The following CNTNAP5 variants were observed in gnomAD, a reference collection of about 807,000 sequenced individuals.
CNTNAP5 encodes the protein contactin-associated protein-like 5.
CNTNAP5 carries 72 observed loss-of-function variants against 150.2 expected under a neutral mutation model. The observed-to-expected ratio is 0.48, with a 90% CI of 0.40 to 0.58. The LOEUF is 0.58. Ranked by LOEUF, CNTNAP5 falls within the 20% of genes least tolerant of loss-of-function variation. The pLI, the probability that CNTNAP5 is intolerant of heterozygous loss-of-function variation, is 0.00. For synonymous variants in CNTNAP5, 672 were observed against 619.8 expected (o/e 1.08, Z -1.25); for missense variants, 1,636 against 1,626.2 (o/e 1.01, Z -0.10).
At chr2:124,751,836 A>G (rs1035307840) in intron 14 of CNTNAP5, among the ~76,000 whole-genome samples, 12 of 152,242 alleles carry the variant, frequency 7.9e-5, no homozygotes. Flanking sequence ...AATGTTACCT[A>G]TCATATCCTG....
chr2:124,426,563 G>T (rs1356167589), intron 4 of CNTNAP5, among the ~76,000 whole-genome samples: 1 of 152,208 alleles, frequency 6.6e-6, no homozygotes, highest in East Asian at 1.9e-4. Context: ...GGGACTGATT[G>T]TCTCAGGGTG....
At chr2:124,599,869 A>G (rs2104971798) in intron 11 of CNTNAP5, among the ~76,000 whole-genome samples, 1 of 152,178 alleles carries the variant, frequency 6.6e-6, no homozygotes, top group South Asian at 2.1e-4. Flanking sequence ...CCTATTTTTT[A>G]TAGGAACAGG....
At chr2:124,122,682 A>T (rs1416670461) in intron 1 of CNTNAP5, among the ~76,000 whole-genome samples, 1 of 152,060 alleles carries the variant, frequency 6.6e-6, no homozygotes, top group Non-Finnish European at 1.5e-5. Flanking sequence ...TGTGTGCCAG[A>T]TCCCTTAGAT....
chr2:124,810,914 C>A (rs1237574057), intron 19 of CNTNAP5, among the ~76,000 whole-genome samples: 4 of 151,986 alleles, frequency 2.6e-5, no homozygotes, highest in African/African-American at 7.3e-5. Context: ...ACCAGGATAG[C>A]CCCCCGATGA....
intron 3 of CNTNAP5, among the ~76,000 whole-genome samples, chr2:124,263,140 T>A (rs1292295947): frequency 6.6e-6 from 1 of 152,168 alleles, no homozygotes; most frequent in Non-Finnish European, 1.5e-5. Context: ...AACAGCATGA[T>A]TTATAATCCT....
intron 1 of CNTNAP5, among the ~76,000 whole-genome samples, chr2:124,120,697 T>G (rs1418157359): frequency 1.3e-5 from 2 of 152,194 alleles, no homozygotes; most frequent in Non-Finnish European, 2.9e-5. Context: ...AGCACTGCAG[T>G]GCAGTCATAG....
chr2:124,205,278 G>T (rs1186435641), intron 1 of CNTNAP5, among the ~76,000 whole-genome samples: 1 of 152,050 alleles, frequency 6.6e-6, no homozygotes, highest in Admixed American at 6.6e-5. Context: ...TAAACATCTG[G>T]CATTTCCCCT....
intron 21 of CNTNAP5, among the ~76,000 whole-genome samples, chr2:124,880,176 A>G (rs1487280794): frequency 6.6e-6 from 1 of 152,140 alleles, no homozygotes; most frequent in Non-Finnish European, 1.5e-5. Context: ...TCACTTAGGA[A>G]TGATTGTATA....
At chr2:124,644,670 A>T (rs1474257946) in intron 12 of CNTNAP5, among the ~76,000 whole-genome samples, 1 of 152,178 alleles carries the variant, frequency 6.6e-6, no homozygotes, top group African/African-American at 2.4e-5. Flanking sequence ...GGACAAGTCT[A>T]AGAGACAGAT....
chr2:124,630,660 G>T (rs1358580316), intron 12 of CNTNAP5, among the ~76,000 whole-genome samples: 1 of 152,068 alleles, frequency 6.6e-6, no homozygotes. Context: ...TTAAAAACTG[G>T]CACAAGACAA....
chr2:124,461,766 A>C (rs1365773229), intron 6 of CNTNAP5, among the ~76,000 whole-genome samples: 3 of 151,650 alleles, frequency 2.0e-5, no homozygotes, highest in African/African-American at 7.3e-5. Flanking sequence ...CTGAGGCAGG[A>C]GAATCGCTGG....
intron 19 of CNTNAP5, among the ~76,000 whole-genome samples, chr2:124,820,138 G>C (rs567088240): frequency 6.6e-6 from 1 of 152,244 alleles, no homozygotes; most frequent in Non-Finnish European, 1.5e-5. Flanking sequence ...TACACACCCA[G>C]AGTCAAGCTG....
At chr2:124,632,154 A>G (rs1677873755) in intron 12 of CNTNAP5, among the ~76,000 whole-genome samples, 1 of 152,194 alleles carries the variant, frequency 6.6e-6, no homozygotes, top group Non-Finnish European at 1.5e-5. Context: ...CAATTCCTCA[A>G]AGACTTAGAA....
chr2:124,780,939 T>A (rs370567359), intron 17 of CNTNAP5, among the ~76,000 whole-genome samples: 6 of 152,220 alleles, frequency 3.9e-5, no homozygotes, highest in African/African-American at 1.4e-4. Flanking sequence ...GCAGAATTTA[T>A]TCTTCATTCT....
intron 13 of CNTNAP5, among the ~76,000 whole-genome samples, chr2:124,704,312 G>GA (rs1425507392): frequency 2.0e-5 from 3 of 152,188 alleles, no homozygotes; most frequent in South Asian, 4.1e-4. Flanking sequence ...GATCAGCCTT[G>GA]AAAAAATCAT....
Position 124,717,923 on chromosome 2 carries a change from T to C in CNTNAP5, c.2078-29306T>C, listed in dbSNP as rs80332884. Among the ~76,000 whole-genome samples, 1,382 of 152,284 alleles carry C rather than the reference T, an allele frequency of 9.1e-3. 19 individuals are homozygous for C. The highest frequency in any genetic ancestry group is 0.032 in the African/African-American group (1,316 of 41,564). On this transcript the variant is annotated intron_variant, in intron 13 of 23. Coordinates refer to ENST00000682447, the MANE Select transcript of CNTNAP5 (RefSeq NM_001367498.1). ...GAACTTTTCCACAATAAAAACTAGATACCTATTATGGGCAAGGACACCTGA... is the reference window on the plus strand; with the variant it reads ...GAACTTTTCCACAATAAAAACTAGACACCTATTATGGGCAAGGACACCTGA...
At chr2:124,665,032 GTAA>G (rs1678669529) in intron 13 of CNTNAP5, among the ~76,000 whole-genome samples, 1 of 152,148 alleles carries the variant, frequency 6.6e-6, no homozygotes, top group African/African-American at 2.4e-5. Context: ...CGAGACAGAA[GTAA>G]TTGGTGCATA....
At chr2:124,087,534 C>T (rs1340138563) in intron 1 of CNTNAP5, among the ~76,000 whole-genome samples, 1 of 151,732 alleles carries the variant, frequency 6.6e-6, no homozygotes, top group African/African-American at 2.4e-5. Flanking sequence ...CCATCCTAGG[C>T]AATATGGTGA....
chr2:124,884,237 A>C (rs1678033414), intron 21 of CNTNAP5, among the ~76,000 whole-genome samples: 1 of 151,716 alleles, frequency 6.6e-6, no homozygotes, highest in Non-Finnish European at 1.5e-5. Context: ...GTATGTGTGC[A>C]TTCATGTTTC....
Sources: gnomAD v4.1 joint callset for allele counts (sites outside exome capture counted in the v4.1 genomes callset) on GRCh38, gnomAD v4.1.1 for gene constraint, MANE v1.5 for transcripts, NCBI Gene and HGNC (gene_info 2026-07-23, HGNC 2026-07-21) for gene names.